PRDM6: variants seen among roughly 807,000 people sequenced by gnomAD.
PRDM6 encodes PR/SET domain 6.
PRDM6 carries 25 observed loss-of-function variants against 60.8 expected under a neutral mutation model. That is an observed-to-expected ratio of 0.41 (90% CI 0.30 to 0.57). The LOEUF is 0.57. Ranked by LOEUF, PRDM6 falls within the 20% of genes least tolerant of loss-of-function variation. PRDM6 has a pLI of 0.27. For missense variants in PRDM6, 839 were observed against 821.3 expected, an observed-to-expected ratio of 1.02 and a Z score of -0.26; for synonymous variants, 407 against 357.4, an observed-to-expected ratio of 1.14 and a Z score of -1.57.
At chr5:123,089,974 C>G (rs749628502) in intron 1 of PRDM6, 26 bp from the exon 2 acceptor site, 40 of 1,498,170 alleles carry the variant, frequency 2.7e-5, no homozygotes, top group Non-Finnish European at 1.3e-5. Flanking sequence ...CTCACGCGCC[C>G]CCTCTTCCCT....
chr5:123,090,238 C>T lies in PRDM6; in HGVS notation c.224C>T (p.Ser75Phe), dbSNP rs1763789555. 2 of 1,479,720 alleles carry T rather than the reference C, an allele frequency of 1.4e-6. No individual in the cohort carries two copies. Among genetic ancestry groups the T allele is most frequent in the African/African-American group, 1.5e-5 (1 of 68,176 alleles). 91.7% of individuals were successfully genotyped at this position (1,479,720 alleles called of 1,614,324 possible). A position where few individuals can be genotyped will look rare whatever the true frequency, so the allele number is the denominator to read the frequency against. The change falls in exon 2 of 8, where the codon TCT becomes TTT. Residue 75 changes from serine to phenylalanine, a missense_variant. Around this residue, in one of 2 missense-constraint regions of PRDM6, gnomAD observed 730 missense variants for 648.8 expected, o/e 1.13. Coordinates refer to ENST00000407847, the MANE Select transcript of PRDM6 (RefSeq NM_001136239.4). ...GACAGCCTGCGCCCGCGGCCCGCCT[C>T]TCTCTCCTCCGCCTCGTCCACGCCG... Reference protein sequence around the residue: ...PPDSLRPRPASLSSASSTPAS... With the variant: ...PPDSLRPRPAFLSSASSTPAS...
intron 3 of PRDM6, among the ~76,000 whole-genome samples, chr5:123,112,878 C>T (rs534275220): frequency 7.2e-6 from 1 of 138,000 alleles, no homozygotes; most frequent in South Asian, 2.4e-4. Flanking sequence ...ATTAGTGCCA[C>T]AACTATAGCC....
intron 3 of PRDM6, among the ~76,000 whole-genome samples, chr5:123,117,951 A>G (rs1019072298): frequency 3.3e-5 from 5 of 152,214 alleles, no homozygotes; most frequent in African/African-American, 1.2e-4. Flanking sequence ...TGTGCCAGGC[A>G]CTTTAAAGGG....
At chr5:123,179,962 AGCTCTGTGAATTTT>A (rs1766108949) in intron 6 of PRDM6, among the ~76,000 whole-genome samples, 171 bp from the exon 7 acceptor site, 1 of 152,204 alleles carries the variant, frequency 6.6e-6, no homozygotes, top group Non-Finnish European at 1.5e-5. Flanking sequence ...GTGTCTCAGC[AGCTCTGTGAATTTT>A]GTTCCTGTGG....
At chr5:123,122,170 A>G (rs1175559911) in intron 3 of PRDM6, among the ~76,000 whole-genome samples, 1 of 150,468 alleles carries the variant, frequency 6.6e-6, no homozygotes, top group African/African-American at 2.4e-5. Flanking sequence ...CTGACAAAAA[A>G]AAAAAAAAAA....
At chr5:123,139,009 A>G (rs970356548) in intron 3 of PRDM6, among the ~76,000 whole-genome samples, 28 of 151,976 alleles carry the variant, frequency 1.8e-4, no homozygotes, top group African/African-American at 6.8e-4. Flanking sequence ...TTCTCATGAG[A>G]TCTAATGGTT....
At chr5:123,130,095 C>T (rs1764788421) in intron 3 of PRDM6, among the ~76,000 whole-genome samples, 1 of 62,952 alleles carries the variant, frequency 1.6e-5, no homozygotes, top group Non-Finnish European at 3.1e-5. Flanking sequence ...TATTCCCTCC[C>T]CTCCCCTCCC....
chr5:123,168,699 C>G lies in PRDM6; in HGVS notation c.1154-2067C>G, dbSNP rs140634050. On this transcript the variant is annotated intron_variant, in intron 5 of 7. Coordinates refer to ENST00000407847, the MANE Select transcript of PRDM6 (RefSeq NM_001136239.4). ...GGTTAAGAACTGCCAACTAGACAAACGCTAGGCTCTTTCTAGGTCTGCAAG... is the reference window on the plus strand; with the variant it reads ...GGTTAAGAACTGCCAACTAGACAAAGGCTAGGCTCTTTCTAGGTCTGCAAG... 2.6e-5 allele frequency among the ~76,000 whole-genome samples: 4 copies of G among 152,206 alleles called. 1 individual carries two copies. Among genetic ancestry groups the G allele is most frequent in the Admixed American group, 2.6e-4 (4 of 15,282 alleles).
intron 3 of PRDM6, among the ~76,000 whole-genome samples, chr5:123,147,120 T>C (rs1765258718): frequency 6.6e-6 from 1 of 152,170 alleles, no homozygotes; most frequent in African/African-American, 2.4e-5. Context: ...AGGATCCAAA[T>C]TCATTTCATT....
intron 3 of PRDM6, among the ~76,000 whole-genome samples, chr5:123,112,028 C>T (rs1764327150): frequency 6.6e-6 from 1 of 152,194 alleles, no homozygotes; most frequent in African/African-American, 2.4e-5. Flanking sequence ...GCAAAATGAA[C>T]TCCCATGACT....
intron 3 of PRDM6, among the ~76,000 whole-genome samples, chr5:123,132,542 T>G (rs1245637684): frequency 6.6e-6 from 1 of 152,130 alleles, no homozygotes; most frequent in African/African-American, 2.4e-5. Flanking sequence ...ATATCTCTGG[T>G]GAAGCACTCT....
At chr5:123,100,029 G>A in intron 3 of PRDM6, 68 bp downstream of exon 3, 2 of 1,418,748 alleles carry the variant, frequency 1.4e-6, no homozygotes, top group Non-Finnish European at 1.9e-6. Flanking sequence ...GCCTTGGCCG[G>A]CAGGGAGCCT....
chr5:123,184,830 AT>A (rs1274792881), intron 7 of PRDM6, among the ~76,000 whole-genome samples: 1 of 152,194 alleles, frequency 6.6e-6, no homozygotes, highest in African/African-American at 2.4e-5. Flanking sequence ...CATTCTTGTC[AT>A]TCCCAGACAA....
At position 123,147,279 on chromosome 5, in the gene PRDM6, A is replaced by AAGAGAGAGAGAG. The variant is rs3036135; in HGVS notation, c.901-8587_901-8576dup. On this transcript the variant is annotated intron_variant, in intron 3 of 7. Transcript: ENST00000407847. ...GAAATACATTAACACTGATACTAAA[A>AAGAGAGAGAGAG]AGAGAGAGAGAGAGAGAGAGAGAGA... Among the ~76,000 whole-genome samples, 356 of 147,574 alleles carry AAGAGAGAGAGAG rather than the reference A, an allele frequency of 2.4e-3. 5 individuals carry two copies. The highest frequency in any genetic ancestry group is 3.6e-3 in the Middle Eastern group (1 of 276).
intron 3 of PRDM6, among the ~76,000 whole-genome samples, chr5:123,150,843 G>A (rs1765354663): frequency 6.6e-6 from 1 of 152,118 alleles, no homozygotes. Context: ...GGCCCTTTCT[G>A]TGGTAATTGT....
At chr5:123,098,749 C>T (rs926905142) in intron 2 of PRDM6, among the ~76,000 whole-genome samples, 1 of 152,204 alleles carries the variant, frequency 6.6e-6, no homozygotes, top group African/African-American at 2.4e-5. Flanking sequence ...TTAGGCTGAT[C>T]GTTAAATTTG....
chr5:123,186,952 A>G, intron 7 of PRDM6, 135 bp from the exon 8 acceptor site: 2 of 632,308 alleles, frequency 3.2e-6, no homozygotes, highest in Non-Finnish European at 5.7e-6. Flanking sequence ...GGAAGGAGCC[A>G]CCAATTAAAC....
chr5:123,105,828 A>G (rs1339645493), intron 3 of PRDM6, among the ~76,000 whole-genome samples: 1 of 152,228 alleles, frequency 6.6e-6, no homozygotes. Flanking sequence ...AGCAGAATAT[A>G]CTTTTCCTTG....
At chr5:123,166,743 A>G (rs1580532790) in intron 5 of PRDM6, among the ~76,000 whole-genome samples, 1 of 152,230 alleles carries the variant, frequency 6.6e-6, no homozygotes, top group South Asian at 2.1e-4. Flanking sequence ...AGGAAGGGGT[A>G]AACTGAACTT....
Sources: gnomAD v4.1 joint callset for allele counts (sites outside exome capture counted in the v4.1 genomes callset) on GRCh38, gnomAD v4.1.1 for gene constraint, gnomAD v4.1.1 regional missense constraint, MANE v1.5 for transcripts, NCBI Gene and HGNC (gene_info 2026-07-23, HGNC 2026-07-21) for gene names.